FAM170A: variants seen among roughly 807,000 people sequenced by gnomAD.
The protein encoded by FAM170A is protein FAM170A.
A neutral mutation model predicts 36.6 loss-of-function variants in FAM170A; 28 were observed. The observed-to-expected ratio is 0.76, with a 90% CI of 0.57 to 1.05. The LOEUF is 1.05. FAM170A is among the 50% of genes least tolerant of loss of function. The pLI is 0.00. For missense variants in FAM170A, 434 were observed against 396.5 expected (o/e 1.09, Z -0.80); for synonymous variants, 156 against 143.9 (o/e 1.08, Z -0.60).
chr5:119,635,560 T>C (rs1460339183), intron 4 of FAM170A, 140 bp from the exon 5 acceptor site: 1 of 156,176 alleles, frequency 6.4e-6, no homozygotes, highest in Non-Finnish European at 1.4e-5. Context: ...TTCATTTTGC[T>C]GCATTTGATC....
intron 1 of FAM170A, among the ~76,000 whole-genome samples, chr5:119,630,659 C>A (rs1756229836): frequency 6.6e-6 from 1 of 152,210 alleles, no homozygotes; most frequent in African/African-American, 2.4e-5. Flanking sequence ...AACTTTTGCT[C>A]TGGGGCTGCT....
At chr5:119,630,358 A>G (rs554060350) in intron 1 of FAM170A, among the ~76,000 whole-genome samples, 23 of 141,990 alleles carry the variant, frequency 1.6e-4, no homozygotes, top group Non-Finnish European at 3.0e-4. Flanking sequence ...TTTGTAGTAG[A>G]GACAGGGTTT....
intron 1 of FAM170A, 76 bp downstream of exon 1, chr5:119,629,914 C>A (rs2431372): frequency 0.44 from 526,616 of 1,196,198 alleles, 118,776 homozygotes; most frequent in East Asian, 0.55. Flanking sequence ...TTTTTTGAGA[C>A]GGAGTCTCGC....
At chr5:119,635,142 C>G (rs1302367544) in intron 4 of FAM170A, 56 bp downstream of exon 4, 1 of 1,310,184 alleles carries the variant, frequency 7.6e-7, no homozygotes, top group South Asian at 1.2e-5. Context: ...CCAGAGGAAT[C>G]CAAGGGAAGG....
intron 1 of FAM170A, among the ~76,000 whole-genome samples, chr5:119,630,612 C>G (rs550237753): frequency 6.6e-6 from 1 of 152,280 alleles, no homozygotes; most frequent in African/African-American, 2.4e-5. Context: ...AGTTCAGATG[C>G]CACTGGCACA....
chr5:119,634,556 A>G (rs377465283), exon 3 of FAM170A: 32 of 1,613,298 alleles, frequency 2.0e-5, no homozygotes, highest in Non-Finnish European at 2.7e-5. Flanking sequence ...GCTGACAGGC[A>G]ACATGGAATC....
chr5:119,633,737 C>T (rs376258481), intron 2 of FAM170A, among the ~76,000 whole-genome samples: 194 of 152,198 alleles, frequency 1.3e-3, no homozygotes, highest in African/African-American at 4.4e-3. Flanking sequence ...GCAGTCCTCA[C>T]CACCATACTC....
exon 3 of FAM170A, chr5:119,634,057 C>T (rs771902627): frequency 1.9e-6 from 3 of 1,614,054 alleles, no homozygotes; most frequent in African/African-American, 2.7e-5. Context: ...AACATGTCTC[C>T]TTGTCGTCCT....
At chr5:119,634,264 C>G (rs1284530491) in exon 3 of FAM170A, 2 of 1,614,058 alleles carry the variant, frequency 1.2e-6, no homozygotes, top group African/African-American at 1.3e-5. Flanking sequence ...TAGGTACTCC[C>G]CCCTCTGATG....
intron 1 of FAM170A, among the ~76,000 whole-genome samples, chr5:119,630,406 C>G (rs1580763735): frequency 1.3e-5 from 2 of 150,684 alleles, no homozygotes; most frequent in Non-Finnish European, 3.0e-5. Context: ...CTCCTGACCT[C>G]ATGATCCACC....
intron 1 of FAM170A, among the ~76,000 whole-genome samples, chr5:119,630,197 C>G (rs1205449494): frequency 7.0e-6 from 1 of 142,058 alleles, no homozygotes; most frequent in African/African-American, 2.6e-5. Flanking sequence ...CTCTGTCGCC[C>G]AGGCTGGAGT....
intron 1 of FAM170A, among the ~76,000 whole-genome samples, chr5:119,631,757 T>C (rs2126971882): frequency 6.6e-6 from 1 of 152,190 alleles, no homozygotes; most frequent in African/African-American, 2.4e-5. Flanking sequence ...TCCTCAACTC[T>C]CACACAAACA....
rs574943137 is a variant in FAM170A, at chr5:119,630,271, C to T, written c.70+433C>T. On this transcript the variant is annotated intron_variant, in intron 1 of 4. Transcript: ENST00000613773. ...CCAGGTTCACGCCATTCACCTGCCTCAGCCTCCCGAGTAGCTGGGACTATA... is the reference window on the plus strand; with the variant it reads ...CCAGGTTCACGCCATTCACCTGCCTTAGCCTCCCGAGTAGCTGGGACTATA... Among the ~76,000 whole-genome samples, 7 of 150,414 alleles carry T rather than the reference C, an allele frequency of 4.7e-5. No individual in the cohort carries two copies. The South Asian group carries it at 1.3e-3, about 27-fold the overall frequency.
chr5:119,630,279 C>T (rs1455466147), intron 1 of FAM170A, among the ~76,000 whole-genome samples: 2 of 150,332 alleles, frequency 1.3e-5, no homozygotes, highest in African/African-American at 4.9e-5. Context: ...CTCAGCCTCC[C>T]GAGTAGCTGG....
exon 3 of FAM170A, chr5:119,634,252 G>T (rs766618151): frequency 2.5e-6 from 4 of 1,614,050 alleles, no homozygotes; most frequent in East Asian, 2.2e-5. Flanking sequence ...AGGTTGTGAG[G>T]GTAGGTACTC....
Position 119,629,778 on chromosome 5 carries a change from CGACAA to C in FAM170A, c.11_15del (p.Arg4GlnfsTer8). 6.2e-7 allele frequency: 1 copy of C among 1,613,006 alleles called. No homozygotes were observed. Among genetic ancestry groups the C allele is most frequent in the Non-Finnish European group, 8.5e-7 (1 of 1,179,266 alleles). On this transcript the variant is annotated frameshift_variant, in exon 1 of 5. Coordinates refer to ENST00000613773, the Ensembl canonical transcript of FAM170A. LOFTEE classifies it high-confidence loss of function. ...TCTTCTAGCTGATATCATGAAACGA[CGACAA>C]AAGAGGAAACATTTGGAAAATGAAG...
At chr5:119,629,688 G>A (rs1580763092) in exon 1 of FAM170A, 1 of 1,054,746 alleles carries the variant, frequency 9.5e-7, no homozygotes, top group East Asian at 2.5e-5. Flanking sequence ...TGAATTTCCT[G>A]AGAGCCAAGA....
At position 119,635,088 on chromosome 5, in the gene FAM170A, T is replaced by C; in HGVS notation, c.*52+2T>C. 1 of 1,598,468 alleles carries C rather than the reference T, an allele frequency of 6.3e-7. No individual in the cohort carries two copies. The highest frequency in any genetic ancestry group is 8.6e-7 in the Non-Finnish European group (1 of 1,165,984). On this transcript the variant is annotated splice_donor_variant, in intron 4 of 4. Coordinates refer to ENST00000613773, the Ensembl canonical transcript of FAM170A. LOFTEE classifies it low-confidence loss of function (3UTR_SPLICE). Reference sequence around the variant, plus strand: ...TGGTGTGGCCTTCTCTTGCAAGAGGTAAGGAGTGAGACTTGCAGTTTTCTG... The same window carrying C: ...TGGTGTGGCCTTCTCTTGCAAGAGGCAAGGAGTGAGACTTGCAGTTTTCTG...
At chr5:119,634,184 G>A in exon 3 of FAM170A, 1 of 1,614,234 alleles carries the variant, frequency 6.2e-7, no homozygotes, top group Middle Eastern at 1.6e-4. Flanking sequence ...CTGGGAGACA[G>A]AGGAAACTTT....
Sources: allele counts gnomAD v4.1 joint callset (sites outside exome capture counted in the v4.1 genomes callset), GRCh38; gene constraint gnomAD v4.1.1; transcripts MANE v1.5; gene names NCBI Gene and HGNC (gene_info 2026-07-23, HGNC 2026-07-21).